Variants in PBRM1 observed in about 807,000 individuals in gnomAD.
The protein encoded by PBRM1 is polybromo 1.
Under a neutral mutation model 194.5 loss-of-function variants are expected in PBRM1, and 27 were observed. That is an observed-to-expected ratio of 0.14 (90% CI 0.10 to 0.19). The LOEUF is 0.19. PBRM1 is among the 10% of genes least tolerant of loss of function. The pLI is 1.00. For synonymous variants in PBRM1, 655 were observed against 693.2 expected (o/e 0.94, Z 0.87); for missense variants, 1,466 against 2,077.2 (o/e 0.71, Z 5.72).
chr3:52,629,123 G>C, intron 11 of PBRM1, 88 bp from the exon 13 acceptor site: 1 of 980,982 alleles, frequency 1.0e-6, no homozygotes. Context: ...ATCTTGACAA[G>C]CACTACATGG....
At chr3:52,591,412 A>G (rs1272306772) in intron 17 of PBRM1, among the ~76,000 whole-genome samples, 3 of 150,714 alleles carry the variant, frequency 2.0e-5, no homozygotes, top group Non-Finnish European at 2.9e-5. Context: ...GGCTCTTATT[A>G]TTTAGAAGTA....
chr3:52,576,668 A>T (rs529698567), exon 22 of PBRM1: 1 of 1,609,728 alleles, frequency 6.2e-7, no homozygotes, highest in East Asian at 2.2e-5. Flanking sequence ...AAAAATATGC[A>T]GCTCCATCTC....
chr3:52,668,755 G>C, intron 2 of PBRM1, 110 bp from the exon 4 acceptor site: 1 of 284,810 alleles, frequency 3.5e-6, no homozygotes. Flanking sequence ...GAGCATATTA[G>C]AATCTTTCAT....
At chr3:52,647,786 C>G (rs1275929991) in intron 7 of PBRM1, among the ~76,000 whole-genome samples, 2 of 151,940 alleles carry the variant, frequency 1.3e-5, no homozygotes, top group Admixed American at 6.6e-5. Flanking sequence ...CAGGCAAACA[C>G]AGAGACTGAA....
At chr3:52,630,093 A>G (rs916946852) in intron 11 of PBRM1, among the ~76,000 whole-genome samples, 1 of 152,208 alleles carries the variant, frequency 6.6e-6, no homozygotes, top group Non-Finnish European at 1.5e-5. Flanking sequence ...CAAAGGGTAG[A>G]GGGCTAGATG....
chr3:52,669,531 AT>A (rs1561007741), intron 2 of PBRM1, among the ~76,000 whole-genome samples: 1 of 152,034 alleles, frequency 6.6e-6, no homozygotes, highest in Non-Finnish European at 1.5e-5. Flanking sequence ...CGATGTGACT[AT>A]TTTCTCAATT....
chr3:52,564,341 T>C (rs561754073), intron 22 of PBRM1, 108 bp from the exon 25 acceptor site: 18 of 829,488 alleles, frequency 2.2e-5, no homozygotes, highest in Non-Finnish European at 2.9e-5. Context: ...TAATTAACAA[T>C]TTTAAAGATA....
chr3:52,569,499 C>T (rs1418153910), intron 22 of PBRM1, among the ~76,000 whole-genome samples: 2 of 152,124 alleles, frequency 1.3e-5, no homozygotes, highest in African/African-American at 4.8e-5. Flanking sequence ...CATGAGCCAC[C>T]GCGCCCGGCC....
exon 2 of PBRM1, chr3:52,678,532 G>C (rs2154057435): frequency 6.2e-7 from 1 of 1,613,548 alleles, no homozygotes; most frequent in African/African-American, 1.3e-5. Context: ...AGAGCTCACA[G>C]AGAAGTCTGC....
At chr3:52,628,821 A>T in intron 12 of PBRM1, 73 bp downstream of exon 13, 1 of 1,358,154 alleles carries the variant, frequency 7.4e-7, no homozygotes, top group Non-Finnish European at 1.0e-6. Flanking sequence ...ACATCTTACT[A>T]GAACACACTC....
At chr3:52,639,272 G>A (rs868026646) in intron 10 of PBRM1, among the ~76,000 whole-genome samples, 1 of 152,178 alleles carries the variant, frequency 6.6e-6, no homozygotes, top group South Asian at 2.1e-4. Flanking sequence ...CACCAAGCCT[G>A]GCCTTATTCA....
At chr3:52,682,785 T>C (rs887047400), upstream of PBRM1, among the ~76,000 whole-genome samples, 1 of 152,142 alleles carries the variant, frequency 6.6e-6, no homozygotes, top group Admixed American at 6.6e-5. Flanking sequence ...AAGAACGTAA[T>C]GCCGGGAGTG....
chr3:52,658,336 G>C (rs1690649505), intron 4 of PBRM1, 21 bp from the exon 6 acceptor site: 1 of 1,301,978 alleles, frequency 7.7e-7, no homozygotes, highest in African/African-American at 1.5e-5. Flanking sequence ...GGAGAAAAAA[G>C]TACTTTCTAA....
intron 13 of PBRM1, among the ~76,000 whole-genome samples, chr3:52,625,574 AC>A (rs1420964412): frequency 1.4e-5 from 2 of 148,076 alleles, no homozygotes; most frequent in Non-Finnish European, 3.0e-5. Context: ...ATAATGCTTA[AC>A]TTTTTTTTTT....
chr3:52,669,118 A>G (rs934864611), intron 2 of PBRM1, among the ~76,000 whole-genome samples: 1 of 152,236 alleles, frequency 6.6e-6, no homozygotes, highest in Non-Finnish European at 1.5e-5. Context: ...AATGCCTATC[A>G]TAAATGCTGC....
chr3:52,651,693 G>C, intron 6 of PBRM1, 49 bp downstream of exon 7: 1 of 1,078,748 alleles, frequency 9.3e-7, no homozygotes, highest in Non-Finnish European at 1.4e-6. Context: ...AAAGATCATA[G>C]GCCAATCTGC....
intron 17 of PBRM1, among the ~76,000 whole-genome samples, chr3:52,600,663 C>T (rs1560237315): frequency 2.0e-5 from 3 of 152,210 alleles, no homozygotes; most frequent in Admixed American, 6.6e-5. Flanking sequence ...GTTTTTGAGA[C>T]GGAGTCTTGC....
At chr3:52,575,327 C>G (rs13433951) in intron 22 of PBRM1, among the ~76,000 whole-genome samples, 2 of 152,070 alleles carry the variant, frequency 1.3e-5, no homozygotes, top group Admixed American at 6.6e-5. Context: ...TGGGGAGAAT[C>G]TGATTTCCAG....
At chr3:52,548,177 C>A in exon 30 of PBRM1, 1 of 1,610,164 alleles carries the variant, frequency 6.2e-7, no homozygotes, top group Non-Finnish European at 8.5e-7. Context: ...TGCTTTTCAG[C>A]CAGTGAGAGG....
Sources: allele counts gnomAD v4.1 joint callset (sites outside exome capture counted in the v4.1 genomes callset), GRCh38; gene constraint gnomAD v4.1.1; transcripts MANE v1.5; gene names NCBI Gene and HGNC (gene_info 2026-07-23, HGNC 2026-07-21).